The following HECTD3 variants were observed in gnomAD, a reference collection of about 807,000 sequenced individuals.
The protein encoded by HECTD3 is E3 ubiquitin-protein ligase HECTD3.
A neutral mutation model predicts 109.3 loss-of-function variants in HECTD3; 72 were observed. The ratio of observed to expected loss-of-function variants is 0.66; its 90% CI spans 0.54 to 0.80. The LOEUF (loss-of-function observed/expected upper bound fraction) is 0.80, where lower values mean the gene tolerates loss of function less well. HECTD3 is among the 30% of genes least tolerant of loss of function. The pLI is 0.00. For synonymous variants in HECTD3, 481 were observed against 471.8 expected, an observed-to-expected ratio of 1.02 and a Z score of -0.25; for missense variants, 1,041 against 1,165.2, an observed-to-expected ratio of 0.89 and a Z score of 1.55.
Position 45,002,549 on chromosome 1 carries a change from G to A in HECTD3, c.*943C>T, listed in dbSNP as rs1644699275. 6.6e-6 allele frequency: 1 copy of A among 152,196 alleles called. No individual in the cohort carries two copies. Among genetic ancestry groups the A allele is most frequent in the Non-Finnish European group, 1.5e-5 (1 of 68,034 alleles). The allele number at this position is 152,196 out of a possible 1,614,324, so 9.4% of individuals were successfully genotyped here. A position where few individuals can be genotyped will look rare whatever the true frequency, so the allele number is the denominator to read the frequency against. Reference sequence around the variant, plus strand: ...CCCAATAAACACATTCTGAAGGAATGAATTCATCCATTTATTCAACTTTCC... The same window carrying A: ...CCCAATAAACACATTCTGAAGGAATAAATTCATCCATTTATTCAACTTTCC... On this transcript the variant is annotated 3_prime_UTR_variant, in exon 21 of 21. Coordinates refer to ENST00000372172, the MANE Select transcript of HECTD3 (RefSeq NM_024602.6).
chr1:45,004,255 G>A lies in HECTD3; in HGVS notation c.2265C>T (p.Arg755=), dbSNP rs747929331. 1 of 1,614,030 alleles carries A rather than the reference G, an allele frequency of 6.2e-7. No homozygotes were observed. Among genetic ancestry groups the A allele is most frequent in the South Asian group, 1.1e-5 (1 of 91,090 alleles). The change falls in exon 17 of 21, where the codon CGC becomes CGT. Residue 755 remains arginine, a synonymous_variant. Coordinates refer to ENST00000372172, the MANE Select transcript of HECTD3 (RefSeq NM_024602.6). ...GDPEVTVDAL[R]KLTRFEDFEP... The stretch of plus-strand genomic sequence containing the variant: ...CTGCCTTGGGGAACTCACTGAGCTT[G>A]CGCAGAGCATCCACAGTGACCTCTG...
rs915837283 is a variant in HECTD3, at chr1:45,010,099, A to G, written c.646T>C (p.Tyr216His). ...TGGATCAGGTCCTCGTCGCACTCGT[A>G]GGTCCATGTCGGGGGTACATAGCTA... is the stretch of plus-strand genomic sequence containing the variant. ...RLLYVPPTWT[Y>H]ECDEDLIHFL... The change falls in exon 4 of 21, where the codon TAC becomes CAC. Residue 216 changes from tyrosine (Y) to histidine (H), a missense_variant. By Grantham distance (83) the Tyr-to-His change is moderately conservative. Transcript: ENST00000372172. 1 of 1,604,008 alleles carries G rather than the reference A, an allele frequency of 6.2e-7. No homozygotes were observed. The highest frequency in any genetic ancestry group is 1.7e-5 in the Admixed American group (1 of 59,726).
chr1:45,005,049 G>T (rs1644722486), intron 15 of HECTD3: 1 of 576,610 alleles, frequency 1.7e-6, no homozygotes, highest in Non-Finnish European at 3.1e-6. Context: ...ATGATGGCTG[G>T]GACATAAGGG....
chr1:45,007,701 A>C (rs1227271589), intron 9 of HECTD3, 106 bp from the exon 10 acceptor site: 1 of 947,844 alleles, frequency 1.1e-6, no homozygotes, highest in East Asian at 2.6e-5. Flanking sequence ...TTTCAGTTCA[A>C]GTCTAGTCCA....
rs367894404 is a variant in HECTD3, at chr1:45,007,496, G to C, written c.1420C>G (p.Leu474Val). ...ESSKPSFMPR[L>V]YINRRLAMEH... Reference sequence around the variant, plus strand: ...ATGGCAAGACGGCGGTTGATGTATAGGCGTGGCATGAAGCTGGGCTTGCTG... The same window carrying C: ...ATGGCAAGACGGCGGTTGATGTATACGCGTGGCATGAAGCTGGGCTTGCTG... Residue 474 changes from leucine (L) to valine (V), a missense_variant, in exon 10 of 21, where the codon CTA (leucine) becomes GTA (valine). Physicochemically the swap from Leu to Val is conservative, Grantham distance 32. Around this residue, in one of 2 missense-constraint regions of HECTD3, gnomAD observed 569 missense variants for 715.3 expected, o/e 0.80. Transcript: ENST00000372172. 6.2e-7 allele frequency: 1 copy of C among 1,614,002 alleles called. No homozygotes were observed. Among genetic ancestry groups the C allele is most frequent in the African/African-American group, 1.3e-5 (1 of 74,890 alleles).
rs1644700711 is a variant in HECTD3, at chr1:45,002,648, T to C, written c.*844A>G. The C allele has an allele frequency of 6.6e-6, 1 of 152,194 alleles. No individual in the cohort carries two copies. The allele number at this position is 152,194 out of a possible 1,614,324, so 9.4% of individuals were successfully genotyped here. On this transcript the variant is annotated 3_prime_UTR_variant, in exon 21 of 21. Coordinates refer to ENST00000372172, the MANE Select transcript of HECTD3 (RefSeq NM_024602.6). Reference sequence around the variant, plus strand: ...GGAACGGTAAACTGGGGCAGGGGTGTGCATAGCTCTAGGAACAGGTTTAAG... The same window carrying C: ...GGAACGGTAAACTGGGGCAGGGGTGCGCATAGCTCTAGGAACAGGTTTAAG...
Position 45,003,122 on chromosome 1 carries a change from G to A in HECTD3, c.*370C>T. On this transcript the variant is annotated 3_prime_UTR_variant, in exon 21 of 21. Transcript: ENST00000372172. The surrounding 1 kb of genome is among the most constrained non-coding windows in gnomAD (Gnocchi z 4.7). ...TGTGAGTCATGGCTGAAGAAAGCCA[G>A]AGAGAAAATAGGAGAAAAAAGGCGG... 1 of 224,578 alleles carries A rather than the reference G, an allele frequency of 4.5e-6. No individual in the cohort carries two copies. The highest frequency in any genetic ancestry group is 9.5e-5 in the East Asian group (1 of 10,476). 13.9% of individuals were successfully genotyped at this position (224,578 alleles called of 1,614,324 possible).
intron 10 of HECTD3, 57 bp from the exon 11 acceptor site, chr1:45,007,328 C>G: frequency 6.2e-7 from 1 of 1,603,146 alleles, no homozygotes; most frequent in Non-Finnish European, 8.5e-7. Context: ...TATACTTGCC[C>G]CAAGAACTTG....
At chr1:45,008,090 T>C in intron 9 of HECTD3, 150 bp downstream of exon 9, 2 of 645,912 alleles carry the variant, frequency 3.1e-6, no homozygotes, top group South Asian at 4.0e-5. Flanking sequence ...AACACTAAAT[T>C]TGGACCATTT....
chr1:45,005,038 A>G (rs868319497), intron 15 of HECTD3: 2 of 588,754 alleles, frequency 3.4e-6, no homozygotes, highest in East Asian at 2.9e-5. Context: ...CTGAGACCCA[A>G]ATGATGGCTG....
chr1:45,010,722 G>T lies in HECTD3; in HGVS notation c.370-16C>A. The T allele has an allele frequency of 6.5e-7, 1 of 1,536,618 alleles. No homozygotes were observed. Among genetic ancestry groups the T allele is most frequent in the East Asian group, 2.4e-5 (1 of 42,392 alleles). On this transcript the variant is annotated splice_polypyrimidine_tract_variant and intron_variant, in intron 1 of 20. Coordinates refer to ENST00000372172, the MANE Select transcript of HECTD3 (RefSeq NM_024602.6). ...CCAGCTGCTCCTGCCGGGACGCGTA[G>T]GATGGGGACAGCCGTCAGGGAACTG...
Position 45,008,706 on chromosome 1 carries a change from GGGAA to G in HECTD3, c.1073-9_1073-6del. ...GACGAACATCAATCCCATCATCTGG[GGGAA>G]GGGGTCAGAGTAAGGTCATTTACAG... On this transcript the variant is annotated splice_polypyrimidine_tract_variant and splice_region_variant and intron_variant, in intron 7 of 20. Transcript: ENST00000372172. 1 of 1,612,678 alleles carries G rather than the reference GGGAA, an allele frequency of 6.2e-7. No homozygotes were observed. Among genetic ancestry groups the G allele is most frequent in the Non-Finnish European group, 8.5e-7 (1 of 1,179,602 alleles).
chr1:45,003,922 A>G lies in HECTD3; in HGVS notation c.2362T>C (p.Phe788Leu), dbSNP rs1456237261. ...NNFTNEDRSR[F>L]LRFVTGRSRL... Reference sequence around the variant, plus strand: ...CTGCGGCCCGTGACAAAGCGCAGGAAGCGGCTCCGGTCCTCTGGAGGGAGA... The same window carrying G: ...CTGCGGCCCGTGACAAAGCGCAGGAGGCGGCTCCGGTCCTCTGGAGGGAGA... The change falls in exon 19 of 21, where the codon TTC (phenylalanine) becomes CTC (leucine). Residue 788 changes from phenylalanine to leucine, a missense_variant. By Grantham distance (22) the Phe-to-Leu change is conservative (BLOSUM62 0). Coordinates refer to ENST00000372172, the MANE Select transcript of HECTD3 (RefSeq NM_024602.6). This position sits in a 1 kb window ranked among gnomAD's most constrained non-coding sequence, Gnocchi z 4.7. 6.2e-7 allele frequency: 1 copy of G among 1,613,388 alleles called. No individual in the cohort carries two copies. Among genetic ancestry groups the G allele is most frequent in the Non-Finnish European group, 8.5e-7 (1 of 1,179,716 alleles).
Position 45,006,594 on chromosome 1 carries a change from G to T in HECTD3, c.1725+98C>A. On this transcript the variant is annotated intron_variant, in intron 13 of 20. Transcript: ENST00000372172. The surrounding 1 kb of genome is among the most constrained non-coding windows in gnomAD (Gnocchi z 4.7). The stretch of plus-strand genomic sequence containing the variant: ...TGGGATTACAGGCGTGAGCCACTGT[G>T]CCTGCCCCCTTTCTAGCTCAATCTG... The T allele has an allele frequency of 9.8e-7, 1 of 1,022,080 alleles. No homozygotes were observed. The allele number at this position is 1,022,080 out of a possible 1,614,324, so 63.3% of individuals were successfully genotyped here.
chr1:45,007,919 G>A (rs1644750690), intron 9 of HECTD3, among the ~76,000 whole-genome samples: 1 of 152,084 alleles, frequency 6.6e-6, no homozygotes, highest in African/African-American at 2.4e-5. Context: ...TCATCCCTCT[G>A]TCATACTCAC....
intron 6 of HECTD3, 64 bp from the exon 7 acceptor site, chr1:45,009,290 G>A: frequency 1.3e-6 from 2 of 1,543,946 alleles, no homozygotes; most frequent in East Asian, 2.3e-5. Context: ...GACTGCTGGA[G>A]TCTCACTCAA....
In HECTD3 at chr1:45,007,149, TG is replaced by T. The variant is rs1644743066; in HGVS notation, c.1556+69del. ...AGTTGTGTGTGTGTGTGTGTGTGTGTGTGTGTGTTTGTGTGTGTTTGTGTGC... is the reference window on the plus strand; with the variant it reads ...AGTTGTGTGTGTGTGTGTGTGTGTGTTGTGTGTTTGTGTGTGTTTGTGTGC... On this transcript the variant is annotated intron_variant, in intron 11 of 20. Transcript: ENST00000372172. 2.4e-4 allele frequency: 326 copies of T among 1,382,818 alleles called. No individual in the cohort carries two copies. In the African/African-American group the frequency reaches 5.4e-3, roughly 23 times the overall value. The allele number at this position is 1,382,818 out of a possible 1,614,324, so 85.7% of individuals were successfully genotyped here. A position where few individuals can be genotyped will look rare whatever the true frequency, so the allele number is the denominator to read the frequency against.
chr1:45,010,535 A>G lies in HECTD3; in HGVS notation c.530+11T>C, dbSNP rs1244861490. On this transcript the variant is annotated intron_variant, in intron 2 of 20. Transcript: ENST00000372172. The stretch of plus-strand genomic sequence containing the variant: ...TTCTGACAGCCAGCCCCGCTCCTTC[A>G]AGTGCAGTACCTGAGCACCGGCCGA... The G allele has an allele frequency of 1.2e-6, 2 of 1,613,266 alleles. No homozygotes were observed. The highest frequency in any genetic ancestry group is 1.3e-5 in the African/African-American group (1 of 75,004).
At position 45,010,617 on chromosome 1, in the gene HECTD3, T is replaced by C. The variant is rs768326253; in HGVS notation, c.459A>G (p.Val153=). The stretch of plus-strand genomic sequence containing the variant: ...GGAGGTGGTTGGGAGTGTCGATGGG[T>C]ACCAGGCGGGCTCCGCCCTCCGCCG... ...CRPAEGGARL[V]PIDTPNHLQR... Residue 153 remains valine, a synonymous_variant, in exon 2 of 21, where the codon GTA becomes GTG. Coordinates refer to ENST00000372172, the MANE Select transcript of HECTD3 (RefSeq NM_024602.6). 6.2e-7 allele frequency: 1 copy of C among 1,612,230 alleles called. No homozygotes were observed. Among genetic ancestry groups the C allele is most frequent in the Non-Finnish European group, 8.5e-7 (1 of 1,179,780 alleles).
Sources: allele counts gnomAD v4.1 joint callset (sites outside exome capture counted in the v4.1 genomes callset), GRCh38; gene constraint gnomAD v4.1.1; regional missense constraint gnomAD v4.1.1; non-coding constraint Gnocchi (gnomAD v3.1); transcripts MANE v1.5; gene names NCBI Gene and HGNC (gene_info 2026-07-23, HGNC 2026-07-21).